The following PIK3C2G variants were observed in gnomAD, a reference collection of about 807,000 sequenced individuals.
PIK3C2G encodes phosphatidylinositol 3-kinase C2 domain-containing subunit gamma.
A neutral mutation model predicts 181.1 loss-of-function variants in PIK3C2G; 168 were observed. That is an observed-to-expected ratio of 0.93 (90% confidence interval 0.82 to 1.05). The LOEUF is 1.05. PIK3C2G is among the 50% of genes least tolerant of loss of function. The pLI is 0.00. For missense variants in PIK3C2G, 1,869 were observed against 1,732.8 expected, an observed-to-expected ratio of 1.08 and a Z score of -1.40; for synonymous variants, 573 against 592.2, an observed-to-expected ratio of 0.97 and a Z score of 0.47.
chr12:18,406,917 T>A (rs55915209), intron 16 of PIK3C2G, among the ~76,000 whole-genome samples: 1 of 152,090 alleles, frequency 6.6e-6, no homozygotes, highest in East Asian at 1.9e-4. Flanking sequence ...TGTCCTTGTA[T>A]GCTTTTGGAG....
the PIK3C2G span, among the ~76,000 whole-genome samples, chr12:18,671,831 GT>G: frequency 6.6e-6 from 1 of 152,158 alleles, no homozygotes; most frequent in Admixed American, 6.5e-5. Context: ...ATTTCTCACA[GT>G]TTTGGAGTTT....
rs535366828 is a variant in PIK3C2G, at chr12:18,344,550, G to T, written c.1429+1190G>T. On this transcript the variant is annotated intron_variant, in intron 10 of 32. Coordinates refer to ENST00000538779, the MANE Select transcript of PIK3C2G (RefSeq NM_001288772.2). ...TATGTGGAGTGAGCGAGCTGCAGGCGTGTCTGTATGAAACTGATTCTCCCT... is the reference window on the plus strand; with the variant it reads ...TATGTGGAGTGAGCGAGCTGCAGGCTTGTCTGTATGAAACTGATTCTCCCT... 4.6e-5 allele frequency among the ~76,000 whole-genome samples: 7 copies of T among 152,160 alleles called. No homozygotes were observed. The South Asian group carries it at 1.5e-3, about 32-fold the overall frequency.
At position 18,338,507 on chromosome 12, in the gene PIK3C2G, G is replaced by T. The variant is rs774582477; in HGVS notation, c.1354G>T (p.Ala452Ser). The T allele has an allele frequency of 6.3e-7, 1 of 1,588,446 alleles. No individual in the cohort carries two copies. Among genetic ancestry groups the T allele is most frequent in the South Asian group, 1.1e-5 (1 of 90,482 alleles). Reference protein sequence around the residue: ...GCVETKQITDAVNELSLILQR... With the variant: ...GCVETKQITDSVNELSLILQR... ...TGTGGAAACCAAACAAATTACAGAT[G>T]CAGTAAATGAACTAAGTCTAATTCT... The change falls in exon 9 of 33, where the codon GCA (alanine) becomes TCA (serine). Residue 452 changes from alanine to serine, a missense_variant. Transcript: ENST00000538779.
At chr12:18,274,752 A>T (rs1215381097) in intron 1 of PIK3C2G, among the ~76,000 whole-genome samples, 1 of 152,172 alleles carries the variant, frequency 6.6e-6, no homozygotes, top group Non-Finnish European at 1.5e-5. Context: ...ATGTATCCAT[A>T]TGTAACAAAC....
At chr12:18,642,818 GTGTGTA>G (rs1273387625) in intron 32 of PIK3C2G, among the ~76,000 whole-genome samples, 16 of 149,766 alleles carry the variant, frequency 1.1e-4, no homozygotes, top group Middle Eastern at 3.4e-3. Context: ...GTGTGTGTGT[GTGTGTA>G]TAAAATGTAA....
chr12:18,666,947 A>C, the PIK3C2G span, among the ~76,000 whole-genome samples: 1 of 152,178 alleles, frequency 6.6e-6, no homozygotes, highest in African/African-American at 2.4e-5. Context: ...TCAGGGTTTT[A>C]ACCACAATTC....
chr12:18,267,609 A>G (rs1233366306), intron 1 of PIK3C2G, among the ~76,000 whole-genome samples: 1 of 152,152 alleles, frequency 6.6e-6, no homozygotes, highest in Non-Finnish European at 1.5e-5. Context: ...TTGACCTGTT[A>G]GAGCATGTTT....
At chr12:18,298,880 T>C (rs150186877) in intron 5 of PIK3C2G, among the ~76,000 whole-genome samples, 1 of 151,540 alleles carries the variant, frequency 6.6e-6, no homozygotes. Flanking sequence ...TATTTTAGGG[T>C]TTTTTTTATT....
intron 23 of PIK3C2G, among the ~76,000 whole-genome samples, chr12:18,505,090 G>A (rs912943917): frequency 6.6e-6 from 1 of 152,054 alleles, no homozygotes; most frequent in Non-Finnish European, 1.5e-5. Flanking sequence ...CATCTATTAG[G>A]CTAAAGAACA....
intron 24 of PIK3C2G, among the ~76,000 whole-genome samples, chr12:18,527,367 G>A (rs1171827958): frequency 6.6e-6 from 1 of 152,088 alleles, no homozygotes; most frequent in Non-Finnish European, 1.5e-5. Flanking sequence ...CAACTATGGG[G>A]TTCAATTTAT....
chr12:18,594,436 G>T lies in PIK3C2G; in HGVS notation c.4012-58G>T, dbSNP rs78246208. The T allele has an allele frequency of 1.4e-3, 1,309 of 960,126 alleles. 17 individuals are homozygous for T. The African/African-American group carries it at 0.021, about 15-fold the overall frequency. The allele number at this position is 960,126 out of a possible 1,614,324, so 59.5% of individuals were successfully genotyped here. A position where few individuals can be genotyped will look rare whatever the true frequency, so the allele number is the denominator to read the frequency against. ...ATATATGGCAATTTTATGTAATAAT[G>T]AATAGCAGTAACAAATATAAGAAAT... On this transcript the variant is annotated intron_variant, in intron 29 of 32. Coordinates refer to ENST00000538779, the MANE Select transcript of PIK3C2G (RefSeq NM_001288772.2).
chr12:18,665,891 C>T, the PIK3C2G span, among the ~76,000 whole-genome samples: 7 of 149,752 alleles, frequency 4.7e-5, no homozygotes, highest in African/African-American at 9.8e-5. Flanking sequence ...GCCAAGATCG[C>T]GCCATTGTAC....
chr12:18,592,693 G>C (rs1236394147), intron 29 of PIK3C2G, among the ~76,000 whole-genome samples: 2 of 151,896 alleles, frequency 1.3e-5, no homozygotes, highest in African/African-American at 4.8e-5. Context: ...ATTTATGTGT[G>C]AGTATATTTT....
At chr12:18,426,459 A>G (rs1314357494) in intron 18 of PIK3C2G, among the ~76,000 whole-genome samples, 3 of 152,146 alleles carry the variant, frequency 2.0e-5, no homozygotes, top group African/African-American at 7.2e-5. Context: ...ACTTGATTCT[A>G]TTGAACATAA....
At chr12:18,694,495 G>C in the PIK3C2G span, among the ~76,000 whole-genome samples, 31 of 152,062 alleles carry the variant, frequency 2.0e-4, 1 homozygote, top group Admixed American at 2.0e-3. Flanking sequence ...ACCTACAAAA[G>C]CCTAATTGTG....
intron 13 of PIK3C2G, among the ~76,000 whole-genome samples, chr12:18,381,079 G>T (rs1476422385): frequency 2.0e-5 from 3 of 152,006 alleles, no homozygotes; most frequent in African/African-American, 7.3e-5. Flanking sequence ...TTCACATAAG[G>T]ATCTGTGGAT....
intron 18 of PIK3C2G, among the ~76,000 whole-genome samples, chr12:18,444,833 A>C (rs112618365): frequency 6.6e-6 from 1 of 152,282 alleles, no homozygotes; most frequent in African/African-American, 2.4e-5. Flanking sequence ...TGATATGTTC[A>C]TACACATTCT....
the PIK3C2G span, chr12:18,694,823 G>T: frequency 1.9e-6 from 2 of 1,064,814 alleles, no homozygotes; most frequent in Non-Finnish European, 2.7e-6. Flanking sequence ...AGAAATTGAA[G>T]CAAATCAGTG....
the PIK3C2G span, chr12:18,688,064 T>C: frequency 6.2e-7 from 1 of 1,608,112 alleles, no homozygotes; most frequent in Non-Finnish European, 8.5e-7. Context: ...TAATGGAAAT[T>C]CAATAAGGTA....
Sources: gnomAD v4.1 joint callset for allele counts (sites outside exome capture counted in the v4.1 genomes callset) on GRCh38, gnomAD v4.1.1 for gene constraint, MANE v1.5 for transcripts, NCBI Gene and HGNC (gene_info 2026-07-23, HGNC 2026-07-21) for gene names.